FAM210A: variants seen among roughly 807,000 people sequenced by gnomAD.
FAM210A encodes the protein mitochondrial inner membrane scaffold 1.
A neutral mutation model predicts 25.3 loss-of-function variants in FAM210A; 13 were observed. That is an observed-to-expected ratio of 0.51 (90% CI 0.33 to 0.82). The LOEUF (loss-of-function observed/expected upper bound fraction) is 0.82, where lower values mean the gene tolerates loss of function less well. Among genes scored for constraint, FAM210A ranks in the 40% least tolerant of loss-of-function variants. The pLI, the probability that FAM210A is intolerant of heterozygous loss-of-function variation, is 0.02. For synonymous variants in FAM210A, 125 were observed against 118.7 expected, an observed-to-expected ratio of 1.05 and a Z score of -0.35; for missense variants, 319 against 323.2, an observed-to-expected ratio of 0.99 and a Z score of 0.10.
intron 1 of FAM210A, among the ~76,000 whole-genome samples, chr18:13,713,725 A>AACACACACACACCACACACAC (rs1555791551): frequency 7.0e-6 from 1 of 141,898 alleles, no homozygotes; most frequent in African/African-American, 2.7e-5. Flanking sequence ...GTCACTATAA[A>AACACACACACACCACACACAC]ACACACACAC....
chr18:13,666,399 A>C lies in FAM210A; in HGVS notation c.*81T>G. On this transcript the variant is annotated 3_prime_UTR_variant, in exon 4 of 4. Transcript: ENST00000651643. The stretch of plus-strand genomic sequence containing the variant: ...TATATTTCGGCAACTAACCAAAAAA[A>C]TAATCAGACACATGTATCTTTGCCC... 1 of 1,162,876 alleles carries C rather than the reference A, an allele frequency of 8.6e-7. No individual in the cohort carries two copies. 72.0% of individuals were successfully genotyped at this position (1,162,876 alleles called of 1,614,324 possible). A position where few individuals can be genotyped will look rare whatever the true frequency, so the allele number is the denominator to read the frequency against.
In FAM210A at chr18:13,681,590, T is replaced by C; in HGVS notation, c.473+15A>G. The C allele has an allele frequency of 6.4e-7, 1 of 1,565,026 alleles. No homozygotes were observed. Among genetic ancestry groups the C allele is most frequent in the East Asian group, 2.2e-5 (1 of 44,532 alleles). The stretch of plus-strand genomic sequence containing the variant: ...GGTAAGACAGGGAAAGACATTCAAC[T>C]AAGCAAAAACTTACTTCAAGGCTGC... On this transcript the variant is annotated intron_variant, in intron 2 of 3. Transcript: ENST00000651643.
intron 2 of FAM210A, among the ~76,000 whole-genome samples, chr18:13,680,291 T>A (rs1459680099): frequency 6.6e-6 from 1 of 152,220 alleles, no homozygotes; most frequent in South Asian, 2.1e-4. Flanking sequence ...TAAATATTAA[T>A]CATGTCCAAA....
chr18:13,723,262 T>C (rs1450582568), intron 1 of FAM210A, among the ~76,000 whole-genome samples: 1 of 152,172 alleles, frequency 6.6e-6, no homozygotes, highest in African/African-American at 2.4e-5. Context: ...CTATAATCAA[T>C]TCAGAAAACT....
At chr18:13,676,027 G>A (rs932536798) in intron 2 of FAM210A, among the ~76,000 whole-genome samples, 1 of 143,686 alleles carries the variant, frequency 7.0e-6, no homozygotes, top group African/African-American at 2.6e-5. Flanking sequence ...CTGAGCCGCT[G>A]ACCTCTTTAT....
intron 1 of FAM210A, chr18:13,697,733 G>C (rs958936985): frequency 5.4e-5 from 8 of 147,898 alleles, no homozygotes; most frequent in Non-Finnish European, 1.2e-4. Flanking sequence ...TCACCCACCT[G>C]AACTGAAAAC....
chr18:13,687,072 T>C (rs1413087002), intron 1 of FAM210A, among the ~76,000 whole-genome samples: 1 of 152,214 alleles, frequency 6.6e-6, no homozygotes, highest in East Asian at 1.9e-4. Flanking sequence ...CCAGACCCAG[T>C]GGGATTTAAT....
At chr18:13,677,699 T>TGA (rs1003539410) in intron 2 of FAM210A, among the ~76,000 whole-genome samples, 2 of 152,102 alleles carry the variant, frequency 1.3e-5, no homozygotes, top group African/African-American at 2.4e-5. Flanking sequence ...ATACGAGGGG[T>TGA]GGTCTCCTCC....
chr18:13,716,189 T>C (rs896873848), intron 1 of FAM210A, among the ~76,000 whole-genome samples: 1 of 152,196 alleles, frequency 6.6e-6, no homozygotes, highest in Admixed American at 6.5e-5. Context: ...ATTGTCTAGT[T>C]ACAAAAAAGA....
chr18:13,685,705 T>C (rs1387387334), intron 1 of FAM210A, among the ~76,000 whole-genome samples: 1 of 152,208 alleles, frequency 6.6e-6, no homozygotes, highest in Admixed American at 6.5e-5. Context: ...TATGCCTCCC[T>C]AAAACGTTTA....
chr18:13,695,499 T>C (rs1457148624), intron 1 of FAM210A, among the ~76,000 whole-genome samples: 2 of 152,008 alleles, frequency 1.3e-5, no homozygotes, highest in Non-Finnish European at 2.9e-5. Context: ...ATTAAGAAAA[T>C]GTGGCACATA....
chr18:13,698,920 G>A (rs934795801), intron 1 of FAM210A, among the ~76,000 whole-genome samples: 4 of 152,128 alleles, frequency 2.6e-5, no homozygotes, highest in Admixed American at 6.5e-5. Flanking sequence ...GGACATAAAT[G>A]CCTGCAGTTG....
intron 1 of FAM210A, among the ~76,000 whole-genome samples, chr18:13,685,336 ACT>A (rs1420935492): frequency 2.0e-5 from 3 of 151,296 alleles, no homozygotes; most frequent in Non-Finnish European, 4.4e-5. Flanking sequence ...ATTTGTAAAG[ACT>A]CTATTAACAT....
chr18:13,716,769 G>A (rs776418941), intron 1 of FAM210A, among the ~76,000 whole-genome samples: 2 of 152,176 alleles, frequency 1.3e-5, no homozygotes. Flanking sequence ...GCCTTGTGAA[G>A]AAGGTGCCTG....
chr18:13,674,367 G>T (rs1334273391), intron 2 of FAM210A, among the ~76,000 whole-genome samples: 3 of 6,642 alleles, frequency 4.5e-4, no homozygotes, highest in Non-Finnish European at 6.8e-4. Flanking sequence ...CTAGCTTCTT[G>T]ATTTCCAGTT....
At chr18:13,692,874 G>T (rs1330862644) in intron 1 of FAM210A, among the ~76,000 whole-genome samples, 2 of 152,134 alleles carry the variant, frequency 1.3e-5, no homozygotes, top group East Asian at 1.9e-4. Context: ...AAAGCTAGCA[G>T]AAGGCAAGAA....
intron 1 of FAM210A, among the ~76,000 whole-genome samples, chr18:13,718,410 A>G (rs1040392295): frequency 6.6e-6 from 1 of 152,190 alleles, no homozygotes; most frequent in African/African-American, 2.4e-5. Context: ...CAGAATGTTA[A>G]GAGTTGGAAG....
intron 3 of FAM210A, among the ~76,000 whole-genome samples, chr18:13,671,463 C>T (rs1402386225): frequency 6.6e-6 from 1 of 152,104 alleles, no homozygotes; most frequent in Non-Finnish European, 1.5e-5. Flanking sequence ...TCACATAAGT[C>T]TAACAATTAT....
chr18:13,665,593 C>T lies in FAM210A; in HGVS notation c.*887G>A, dbSNP rs1364956228. On this transcript the variant is annotated 3_prime_UTR_variant, in exon 4 of 4. Transcript: ENST00000651643. ...AAGGAGTTAGCAGTCTCCATGAAAA[C>T]CTGACTCCATTTTTAGTCTCCCAAA... 1 of 151,746 alleles carries T rather than the reference C, an allele frequency of 6.6e-6. No individual in the cohort carries two copies. Among genetic ancestry groups the T allele is most frequent in the Non-Finnish European group, 1.5e-5 (1 of 67,976 alleles). 9.4% of individuals were successfully genotyped at this position (151,746 alleles called of 1,614,324 possible).
Sources: allele counts gnomAD v4.1 joint callset (sites outside exome capture counted in the v4.1 genomes callset), GRCh38; gene constraint gnomAD v4.1.1; transcripts MANE v1.5; gene names NCBI Gene and HGNC (gene_info 2026-07-23, HGNC 2026-07-21).